ATF7: variants seen among roughly 807,000 people sequenced by gnomAD.
ATF7 encodes activating transcription factor 7, also known as cyclic AMP-dependent transcription factor ATF-7.
In ATF7, 10 loss-of-function variants were observed where a neutral mutation model predicts 50.4. The ratio of observed to expected loss-of-function variants is 0.20; its 90% CI spans 0.12 to 0.34. The LOEUF (loss-of-function observed/expected upper bound fraction) is 0.34, where lower values mean the gene tolerates loss of function less well. Among genes scored for constraint, ATF7 ranks in the 10% least tolerant of loss-of-function variants. The pLI is 1.00. For missense variants in ATF7, 465 were observed against 613.9 expected (o/e 0.76, Z 2.56); for synonymous variants, 201 against 226.4 (o/e 0.89, Z 1.01).
intron 2 of ATF7, among the ~76,000 whole-genome samples, chr12:53,564,027 T>C (rs538994979): frequency 1.4e-4 from 21 of 152,288 alleles, no homozygotes; most frequent in African/African-American, 5.1e-4. Context: ...TCTTTGTGGG[T>C]CAATTCACTT....
At chr12:53,600,344 CT>C (rs1301233001) in intron 2 of ATF7, among the ~76,000 whole-genome samples, 258 of 145,220 alleles carry the variant, frequency 1.8e-3, no homozygotes, top group Non-Finnish European at 1.6e-3. Context: ...TTCTTTCTTT[CT>C]TTTTTTTTTT....
intron 2 of ATF7, among the ~76,000 whole-genome samples, chr12:53,571,682 A>C (rs953681384): frequency 6.6e-6 from 1 of 151,822 alleles, no homozygotes; most frequent in African/African-American, 2.4e-5. Context: ...CCGCACTGAA[A>C]TATCACCACC....
chr12:53,547,566 G>T (rs1332726015), intron 3 of ATF7, among the ~76,000 whole-genome samples: 1 of 151,976 alleles, frequency 6.6e-6, no homozygotes, highest in Admixed American at 6.6e-5. Flanking sequence ...GATTGTAGGT[G>T]TGAGCCACCA....
chr12:53,519,968 G>A (rs1362964950), intron 11 of ATF7, among the ~76,000 whole-genome samples: 5 of 151,988 alleles, frequency 3.3e-5, no homozygotes, highest in Non-Finnish European at 7.4e-5. Context: ...GGATGGTCTC[G>A]ATCTCCTGAC....
chr12:53,543,509 T>A lies in ATF7; in HGVS notation c.146-61A>T. ...TTGATCTGAAATTAAAACTTGATAT[T>A]AAATAGTATATAGAGAATGCATTTG... On this transcript the variant is annotated intron_variant, in intron 3 of 11. Coordinates refer to ENST00000420353, the MANE Select transcript of ATF7 (RefSeq NM_006856.3). 1 of 1,434,004 alleles carries A rather than the reference T, an allele frequency of 7.0e-7. No individual in the cohort carries two copies. The highest frequency in any genetic ancestry group is 9.5e-7 in the Non-Finnish European group (1 of 1,057,890). 88.8% of individuals were successfully genotyped at this position (1,434,004 alleles called of 1,614,324 possible).
intron 2 of ATF7, among the ~76,000 whole-genome samples, chr12:53,590,962 T>C (rs1277288559): frequency 6.6e-6 from 1 of 152,196 alleles, no homozygotes; most frequent in Non-Finnish European, 1.5e-5. Context: ...CATATTATTA[T>C]ACATTTGCGA....
intron 2 of ATF7, among the ~76,000 whole-genome samples, chr12:53,598,424 C>G (rs1320967252): frequency 6.6e-6 from 1 of 152,166 alleles, no homozygotes; most frequent in South Asian, 2.1e-4. Context: ...TCCACACTCA[C>G]CTTCCTACTG....
intron 3 of ATF7, among the ~76,000 whole-genome samples, chr12:53,545,199 T>C (rs776167221): frequency 6.6e-6 from 1 of 152,172 alleles, no homozygotes; most frequent in South Asian, 2.1e-4. Context: ...TTAAACCTAA[T>C]TCCTCACTTT....
At chr12:53,607,668 T>C (rs112666168) in intron 1 of ATF7, among the ~76,000 whole-genome samples, 6,001 of 151,926 alleles carry the variant, frequency 0.039, 356 homozygotes, top group African/African-American at 0.13. Context: ...AAACAGAATA[T>C]AAAATTGTAC....
At chr12:53,567,294 T>C (rs1246322991) in intron 2 of ATF7, among the ~76,000 whole-genome samples, 2 of 152,198 alleles carry the variant, frequency 1.3e-5, no homozygotes, top group Non-Finnish European at 2.9e-5. Flanking sequence ...TCACCACCTA[T>C]TGCCTCAAGC....
At chr12:53,624,885 C>T (rs989294326) in intron 1 of ATF7, among the ~76,000 whole-genome samples, 1 of 152,220 alleles carries the variant, frequency 6.6e-6, no homozygotes, top group African/African-American at 2.4e-5. Flanking sequence ...GGGGAAGCCA[C>T]ATTTAACAAA....
intron 4 of ATF7, among the ~76,000 whole-genome samples, chr12:53,541,038 T>C (rs1267085829): frequency 6.6e-6 from 1 of 152,184 alleles, no homozygotes; most frequent in Non-Finnish European, 1.5e-5. Flanking sequence ...CGCAGCCCTC[T>C]TTCTGTTAGT....
chr12:53,569,773 C>T (rs1395014279), intron 2 of ATF7, among the ~76,000 whole-genome samples: 1 of 151,906 alleles, frequency 6.6e-6, no homozygotes, highest in African/African-American at 2.4e-5. Context: ...CCGCCTCCCT[C>T]GTTCAAAGGA....
intron 1 of ATF7, among the ~76,000 whole-genome samples, chr12:53,621,208 A>T (rs1223205105): frequency 1.3e-5 from 2 of 152,268 alleles, no homozygotes. Flanking sequence ...GTTAGATTAT[A>T]TAAAATGGCA....
At chr12:53,598,697 A>G (rs1370581294) in intron 2 of ATF7, among the ~76,000 whole-genome samples, 1 of 152,214 alleles carries the variant, frequency 6.6e-6, no homozygotes, top group African/African-American at 2.4e-5. Context: ...CTTTTCTGAT[A>G]AGACAGCCTG....
chr12:53,626,090 C>T (rs1411653430), intron 1 of ATF7, 189 bp downstream of exon 1: 2 of 152,388 alleles, frequency 1.3e-5, no homozygotes, highest in Non-Finnish European at 2.9e-5. Context: ...TCGAGGCTTC[C>T]TTCTCTCCCA....
intron 2 of ATF7, among the ~76,000 whole-genome samples, chr12:53,554,390 C>A (rs1438528762): frequency 2.6e-5 from 4 of 151,302 alleles, no homozygotes; most frequent in Non-Finnish European, 5.9e-5. Context: ...CTTGGCCTCC[C>A]AAAGTGCTGG....
At chr12:53,536,078 C>T (rs768253497) in intron 5 of ATF7, among the ~76,000 whole-genome samples, 3 of 152,032 alleles carry the variant, frequency 2.0e-5, no homozygotes, top group Non-Finnish European at 4.4e-5. Flanking sequence ...AGACCATTTC[C>T]AGCACCCCAG....
intron 3 of ATF7, among the ~76,000 whole-genome samples, chr12:53,545,490 C>G (rs568793100): frequency 1.3e-5 from 2 of 152,180 alleles, no homozygotes; most frequent in Admixed American, 1.3e-4. Flanking sequence ...GCGCGCGCCA[C>G]TATGCCTGGC....
Sources: allele counts gnomAD v4.1 joint callset (sites outside exome capture counted in the v4.1 genomes callset), GRCh38; gene constraint gnomAD v4.1.1; transcripts MANE v1.5; gene names NCBI Gene and HGNC (gene_info 2026-07-23, HGNC 2026-07-21).